Variants in NELL1 observed in about 807,000 individuals in gnomAD.
NELL1 encodes the protein protein kinase C-binding protein NELL1.
NELL1 carries 76 observed loss-of-function variants against 107.4 expected under a neutral mutation model. That is an observed-to-expected ratio of 0.71 (90% CI 0.59 to 0.86). The LOEUF (loss-of-function observed/expected upper bound fraction) is 0.86, where lower values mean the gene tolerates loss of function less well. Ranked by LOEUF, NELL1 falls within the 40% of genes least tolerant of loss-of-function variation. NELL1 has a pLI of 0.00. For synonymous variants in NELL1, 353 were observed against 341.2 expected (o/e 1.03, Z -0.38); for missense variants, 1,024 against 1,005.5 (o/e 1.02, Z -0.25).
rs575229008 is a variant in NELL1 at position 20,804,991 on chromosome 11, T to C, written c.335+21161T>C. 9.2e-5 allele frequency among the ~76,000 whole-genome samples: 14 copies of C among 152,340 alleles called. No individual in the cohort carries two copies. The South Asian group carries it at 2.7e-3, about 29-fold the overall frequency. Reference sequence around the variant, plus strand: ...GGTGCATGTATATTTACAATTGTTATATTCTCTTGCTTAATCTTTATCATT... The same window carrying C: ...GGTGCATGTATATTTACAATTGTTACATTCTCTTGCTTAATCTTTATCATT... On this transcript the variant is annotated intron_variant, in intron 3 of 19. Coordinates refer to ENST00000357134, the MANE Select transcript of NELL1 (RefSeq NM_006157.5).
At position 20,915,717 on chromosome 11, in the gene NELL1, A is replaced by AT. The variant is rs67447563; in HGVS notation, c.604-2447dup. On this transcript the variant is annotated intron_variant, in intron 5 of 19. Transcript: ENST00000357134. ...TCATAGATGATATATATATATATAT[A>AT]TTTTTTTTTTTTTTTTTTGAGAGGA... Among the ~76,000 whole-genome samples, 60 of 58,210 alleles carry AT rather than the reference A, an allele frequency of 1.0e-3. 1 individual carries two copies. Among genetic ancestry groups the AT allele is most frequent in the Non-Finnish European group, 1.2e-3 (42 of 34,154 alleles). The allele number at this position is 58,210 out of a possible 152,430, so 38.2% of individuals were successfully genotyped here. A position where few individuals can be genotyped will look rare whatever the true frequency, so the allele number is the denominator to read the frequency against.
At chr11:21,558,108 G>A (rs1564959774) in intron 16 of NELL1, among the ~76,000 whole-genome samples, 1 of 151,896 alleles carries the variant, frequency 6.6e-6, no homozygotes, top group East Asian at 2.0e-4. Flanking sequence ...CTGCGTAGGA[G>A]TGAAAGTAGT....
At chr11:21,444,843 C>A (rs528434926) in intron 15 of NELL1, among the ~76,000 whole-genome samples, 4 of 151,980 alleles carry the variant, frequency 2.6e-5, no homozygotes, top group Admixed American at 6.6e-5. Flanking sequence ...TTATCTGTAC[C>A]TTTTCCCTCC....
At chr11:20,756,288 T>C (rs1856285013) in intron 2 of NELL1, among the ~76,000 whole-genome samples, 1 of 152,136 alleles carries the variant, frequency 6.6e-6, no homozygotes. Flanking sequence ...TGGGAGATGA[T>C]AGTTGCACTA....
At chr11:21,450,990 A>G (rs916684872) in intron 15 of NELL1, among the ~76,000 whole-genome samples, 19 of 151,872 alleles carry the variant, frequency 1.3e-4, no homozygotes, top group African/African-American at 4.4e-4. Context: ...GGAGATGGAG[A>G]CCATCCTGGC....
intron 13 of NELL1, among the ~76,000 whole-genome samples, chr11:21,116,187 C>T (rs146469089): frequency 5.5e-4 from 84 of 152,092 alleles, no homozygotes; most frequent in African/African-American, 2.0e-3. Flanking sequence ...CAGGGCTGAC[C>T]ACACCTTGCT....
intron 19 of NELL1, among the ~76,000 whole-genome samples, chr11:21,574,416 T>G (rs991964037): frequency 2.6e-5 from 4 of 151,756 alleles, no homozygotes; most frequent in Non-Finnish European, 4.4e-5. Context: ...TATTTGATAA[T>G]TATGTGGAAT....
intron 15 of NELL1, among the ~76,000 whole-genome samples, chr11:21,412,709 T>A (rs1852409035): frequency 6.6e-6 from 1 of 152,032 alleles, no homozygotes; most frequent in Admixed American, 6.6e-5. Flanking sequence ...GCTGTGAAAA[T>A]TCCAGAAATA....
chr11:21,099,192 A>AACACACACACACAC (rs59848133), intron 12 of NELL1, among the ~76,000 whole-genome samples: 16 of 141,956 alleles, frequency 1.1e-4, no homozygotes, highest in African/African-American at 3.4e-4. Flanking sequence ...GACACTGAAC[A>AACACACACACACAC]ACACACACAC....
At chr11:20,924,463 A>G (rs920529737) in intron 7 of NELL1, among the ~76,000 whole-genome samples, 2 of 152,218 alleles carry the variant, frequency 1.3e-5, no homozygotes, top group African/African-American at 2.4e-5. Context: ...AGCATTCATT[A>G]TATTAAAACT....
At position 20,817,055 on chromosome 11, in the gene NELL1, G is replaced by T. The variant is rs565204165; in HGVS notation, c.336-30528G>T. 2.6e-5 allele frequency among the ~76,000 whole-genome samples: 4 copies of T among 152,206 alleles called. No individual in the cohort carries two copies. In the East Asian group the frequency reaches 7.7e-4, roughly 29 times the overall value. On this transcript the variant is annotated intron_variant, in intron 3 of 19. Coordinates refer to ENST00000357134, the MANE Select transcript of NELL1 (RefSeq NM_006157.5). ...TTTCAGTTTACTAGTTTTTTGTTGAGAATTTTTACATCTATGTTCATCAGT... is the reference window on the plus strand; with the variant it reads ...TTTCAGTTTACTAGTTTTTTGTTGATAATTTTTACATCTATGTTCATCAGT...
At chr11:20,952,534 A>C (rs931134326) in intron 11 of NELL1, among the ~76,000 whole-genome samples, 6 of 152,194 alleles carry the variant, frequency 3.9e-5, no homozygotes, top group Non-Finnish European at 7.3e-5. Context: ...AGAAAAAGGC[A>C]CTTAATGAGA....
At position 20,680,683 on chromosome 11, in the gene NELL1, T is replaced by A. The variant is rs77729801; in HGVS notation, c.184+2623T>A. Among the ~76,000 whole-genome samples, 1,178 of 152,246 alleles carry A rather than the reference T, an allele frequency of 7.7e-3. 10 individuals are homozygous for A. The highest frequency in any genetic ancestry group is 0.027 in the African/African-American group (1,127 of 41,550). On this transcript the variant is annotated intron_variant, in intron 2 of 19. Transcript: ENST00000357134. ...TGGGTTCAAGTCTTAGAAATAATCC[T>A]CTTTGGTTTTGGCTCTGTCTTCTGG...
intron 15 of NELL1, among the ~76,000 whole-genome samples, chr11:21,407,660 C>T (rs1049919618): frequency 2.0e-5 from 3 of 150,570 alleles, no homozygotes; most frequent in Non-Finnish European, 3.0e-5. Context: ...TTATACCAGC[C>T]GTCAATACCT....
rs143043841 is a variant in NELL1, at chr11:20,790,908, C to G, written c.335+7078C>G. Among the ~76,000 whole-genome samples the G allele has an allele frequency of 4.1e-3, 625 of 152,330 alleles. 2 individuals carry two copies. Among genetic ancestry groups the G allele is most frequent in the Non-Finnish European group, 5.3e-3 (364 of 68,038 alleles). ...GATGGTAGCGGCTGCTCCAGACAGC[C>G]TGCCGCTACTATCATTACTTCTATT... is the stretch of plus-strand genomic sequence containing the variant. On this transcript the variant is annotated intron_variant, in intron 3 of 19. Transcript: ENST00000357134.
intron 14 of NELL1, among the ~76,000 whole-genome samples, chr11:21,315,424 C>G (rs1307272135): frequency 2.0e-5 from 3 of 151,760 alleles, no homozygotes; most frequent in Admixed American, 2.0e-4. Flanking sequence ...AAGCAGTGCA[C>G]CAGATTCAGG....
At chr11:21,103,187 T>C (rs1036720659) in intron 12 of NELL1, among the ~76,000 whole-genome samples, 4 of 152,198 alleles carry the variant, frequency 2.6e-5, no homozygotes, top group African/African-American at 9.7e-5. Context: ...TTCAGTCTGG[T>C]GTTTAATCAT....
chr11:21,477,048 G>A (rs1311998246), intron 15 of NELL1, among the ~76,000 whole-genome samples: 1 of 152,140 alleles, frequency 6.6e-6, no homozygotes, highest in African/African-American at 2.4e-5. Flanking sequence ...GCAATTCCAG[G>A]GCAACTTCTT....
chr11:21,198,269 G>T (rs989248545), intron 13 of NELL1, among the ~76,000 whole-genome samples: 3 of 152,190 alleles, frequency 2.0e-5, no homozygotes, highest in African/African-American at 7.2e-5. Flanking sequence ...GACAATGAGT[G>T]TTCAGAAGCT....
Sources: gnomAD v4.1 joint callset for allele counts (sites outside exome capture counted in the v4.1 genomes callset) on GRCh38, gnomAD v4.1.1 for gene constraint, MANE v1.5 for transcripts, NCBI Gene and HGNC (gene_info 2026-07-23, HGNC 2026-07-21) for gene names.